The following TOPBP1 variants were observed in gnomAD, a reference collection of about 807,000 sequenced individuals.
The protein encoded by TOPBP1 is DNA topoisomerase 2-binding protein 1.
A neutral mutation model predicts 167.7 loss-of-function variants in TOPBP1; 28 were observed. That is an observed-to-expected ratio of 0.17 (90% CI 0.12 to 0.23). TOPBP1 has a LOEUF of 0.23. Among genes scored for constraint, TOPBP1 ranks in the 10% least tolerant of loss-of-function variants. TOPBP1 has a pLI of 1.00. For synonymous variants in TOPBP1, 598 were observed against 611.4 expected (o/e 0.98, Z 0.32); for missense variants, 1,554 against 1,809.6 (o/e 0.86, Z 2.56).
Position 133,617,287 on chromosome 3 carries a change from G to A in TOPBP1, c.3632C>T (p.Pro1211Leu). The change falls in exon 22 of 28, where the codon CCC becomes CTC. Residue 1211 changes from proline (P) to leucine (L), a missense_variant. This residue lies in a region of TOPBP1 where 351 missense variants were observed against 432.9 expected (regional missense o/e 0.81). Transcript: ENST00000260810. The part of the protein sequence containing the change: ...DPGNIRVTEA[P>L]KHPISEELET... ...CAGTTCTTCAGAGATTGGGTGTTTG[G>A]GAGCTTCAGTCACACGTATGTTTCC... 9.3e-6 allele frequency: 15 copies of A among 1,613,322 alleles called. No homozygotes were observed. Among genetic ancestry groups the A allele is most frequent in the Non-Finnish European group, 1.3e-5 (15 of 1,179,654 alleles).
At chr3:133,614,103 T>C (rs1223772570) in intron 23 of TOPBP1, among the ~76,000 whole-genome samples, 1 of 152,098 alleles carries the variant, frequency 6.6e-6, no homozygotes, top group East Asian at 1.9e-4. Flanking sequence ...ATCAAGGACT[T>C]TCTAAGATTT....
chr3:133,618,487 T>C (rs998167014), intron 20 of TOPBP1, 54 bp from the exon 21 acceptor site: 37 of 1,554,496 alleles, frequency 2.4e-5, no homozygotes, highest in Non-Finnish European at 3.3e-5. Flanking sequence ...TCCAAACTCA[T>C]TAAATCCATA....
At chr3:133,658,725 T>C (rs1191583176) in intron 3 of TOPBP1, among the ~76,000 whole-genome samples, 2 of 152,032 alleles carry the variant, frequency 1.3e-5, no homozygotes, top group African/African-American at 4.8e-5. Context: ...AAGAATCACT[T>C]GAACCAAGGA....
Position 133,616,469 on chromosome 3 carries a change from A to C in TOPBP1, c.3871+345T>G, listed in dbSNP as rs373431094. On this transcript the variant is annotated intron_variant, in intron 23 of 27. Transcript: ENST00000260810. ...ACAAACAAACAAAAAAACAAGAGGG[A>C]GCTCCTCTCTAGATATTATTAACCT... 5.6e-4 allele frequency among the ~76,000 whole-genome samples: 85 copies of C among 152,258 alleles called. 1 individual carries two copies. Among genetic ancestry groups the C allele is most frequent in the Middle Eastern group, 3.4e-3 (1 of 294 alleles).
At chr3:133,630,993 A>AC (rs1366135900) in intron 14 of TOPBP1, among the ~76,000 whole-genome samples, 3 of 152,114 alleles carry the variant, frequency 2.0e-5, no homozygotes, top group African/African-American at 7.2e-5. Flanking sequence ...GGAGTTCTAG[A>AC]CCAGCCTGAG....
In TOPBP1 at chr3:133,617,145, T is replaced by C. The variant is rs2107778567; in HGVS notation, c.3759+15A>G. Reference sequence around the variant, plus strand: ...GTATGCAAAAGCTGTATCACCATATTAAGGATCAACAAACCTTTTCTCTAG... The same window carrying C: ...GTATGCAAAAGCTGTATCACCATATCAAGGATCAACAAACCTTTTCTCTAG... On this transcript the variant is annotated intron_variant, in intron 22 of 27. Transcript: ENST00000260810. The C allele has an allele frequency of 6.3e-7, 1 of 1,595,834 alleles. No homozygotes were observed. Among genetic ancestry groups the C allele is most frequent in the African/African-American group, 1.4e-5 (1 of 73,876 alleles).
At position 133,644,288 on chromosome 3, in the gene TOPBP1, A is replaced by C. The variant is rs767916134; in HGVS notation, c.1580T>G (p.Ile527Ser). Residue 527 changes from isoleucine (I) to serine (S), a missense_variant, in exon 11 of 28, where the codon ATT becomes AGT. By Grantham distance (142) the Ile-to-Ser change is moderately radical (BLOSUM62 -2). Around this residue, in one of 3 missense-constraint regions of TOPBP1, gnomAD observed 1,197 missense variants for 1,351.5 expected, o/e 0.89. Transcript: ENST00000260810. ...AGACTGGTTTTCTTCTTGCAAAGAA[A>C]TGTGAGTAGAATCATTCAAGGGCTC... ...HAEPLNDSTH[I>S]SLQEENQSSV... 1 of 1,613,754 alleles carries C rather than the reference A, an allele frequency of 6.2e-7. No individual in the cohort carries two copies.
At chr3:133,657,193 T>C (rs1330530953) in intron 4 of TOPBP1, among the ~76,000 whole-genome samples, 1 of 150,934 alleles carries the variant, frequency 6.6e-6, no homozygotes, top group African/African-American at 2.4e-5. Flanking sequence ...AAATATTTAT[T>C]TTTAGCCAGG....
rs1934910999 is a variant in TOPBP1 at position 133,616,916 on chromosome 3, T to C, written c.3769A>G (p.Ile1257Val). ...TTTAATTCTTCATGAGTCTCCTCTA[T>C]CGTTATAATCTGGAATGAAAGTTTT... Reference protein sequence around the residue: ...APHPREKIITIEETHEELKKQ... With the variant: ...APHPREKIITVEETHEELKKQ... The change falls in exon 23 of 28, where the codon ATA (isoleucine) becomes GTA (valine). Residue 1257 changes from isoleucine (I) to valine (V), a missense_variant. Physicochemically the swap from Ile to Val is conservative, Grantham distance 29. Coordinates refer to ENST00000260810, the MANE Select transcript of TOPBP1 (RefSeq NM_007027.4). 6.6e-7 allele frequency: 1 copy of C among 1,505,236 alleles called. No homozygotes were observed. The highest frequency in any genetic ancestry group is 2.6e-5 in the Admixed American group (1 of 37,908). The allele number at this position is 1,505,236 out of a possible 1,614,324, so 93.2% of individuals were successfully genotyped here.
At chr3:133,637,845 T>G in intron 14 of TOPBP1, 31 bp downstream of exon 14, 2 of 1,601,608 alleles carry the variant, frequency 1.2e-6, no homozygotes, top group Non-Finnish European at 1.7e-6. Context: ...GTAAAACTGT[T>G]AACTCTGGGA....
intron 14 of TOPBP1, among the ~76,000 whole-genome samples, chr3:133,629,437 C>T (rs1407478595): frequency 6.6e-6 from 1 of 152,174 alleles, no homozygotes; most frequent in Non-Finnish European, 1.5e-5. Context: ...CAAAATGTAT[C>T]TACCAGCCCA....
At chr3:133,602,884 CT>C (rs1368119999) in intron 27 of TOPBP1, among the ~76,000 whole-genome samples, 2 of 148,616 alleles carry the variant, frequency 1.3e-5, no homozygotes, top group African/African-American at 5.0e-5. Context: ...AGAGATCTAC[CT>C]TTTTTCATTT....
intron 11 of TOPBP1, 74 bp from the exon 12 acceptor site, chr3:133,643,446 A>G: frequency 3.8e-6 from 5 of 1,315,480 alleles, no homozygotes; most frequent in Non-Finnish European, 5.1e-6. Flanking sequence ...TCAGGTACAG[A>G]AGCAATAATT....
chr3:133,647,524 T>A (rs1222337854), intron 10 of TOPBP1, among the ~76,000 whole-genome samples: 1 of 152,174 alleles, frequency 6.6e-6, no homozygotes, highest in African/African-American at 2.4e-5. Flanking sequence ...ATAGGTTTAA[T>A]GTGTTTTAAG....
chr3:133,639,767 A>G (rs1935829541), intron 13 of TOPBP1, among the ~76,000 whole-genome samples, 192 bp downstream of exon 13: 1 of 152,136 alleles, frequency 6.6e-6, no homozygotes, highest in African/African-American at 2.4e-5. Flanking sequence ...TGTTACTATG[A>G]GCCATAGAAA....
intron 16 of TOPBP1, 147 bp downstream of exon 16, chr3:133,628,215 T>C: frequency 1.4e-6 from 1 of 697,378 alleles, no homozygotes; most frequent in East Asian, 2.7e-5. Context: ...TCAACAGATG[T>C]GGTAAATTAA....
At chr3:133,658,165 A>G (rs950945628) in intron 3 of TOPBP1, among the ~76,000 whole-genome samples, 2 of 152,220 alleles carry the variant, frequency 1.3e-5, no homozygotes, top group South Asian at 2.1e-4. Flanking sequence ...GCAAGCTATC[A>G]AAAGAAATAA....
intron 27 of TOPBP1, among the ~76,000 whole-genome samples, chr3:133,604,395 C>T (rs1180261875): frequency 6.6e-6 from 1 of 151,744 alleles, no homozygotes; most frequent in Non-Finnish European, 1.5e-5. Context: ...CCTCAGCCTC[C>T]TAAACTGTTG....
In TOPBP1 at chr3:133,608,524, A is replaced by T. The variant is rs1194125682; in HGVS notation, c.4425+11T>A. 6.2e-7 allele frequency: 1 copy of T among 1,612,848 alleles called. No homozygotes were observed. The highest frequency in any genetic ancestry group is 8.5e-7 in the Non-Finnish European group (1 of 1,179,424). On this transcript the variant is annotated intron_variant, in intron 27 of 27. Transcript: ENST00000260810. ...TGGTAATGAGGAGGTCAAGGATAGA[A>T]TCTCACAAACCTGCATGAGATAATC...
Sources: allele counts gnomAD v4.1 joint callset (sites outside exome capture counted in the v4.1 genomes callset), GRCh38; gene constraint gnomAD v4.1.1; regional missense constraint gnomAD v4.1.1; transcripts MANE v1.5; gene names NCBI Gene and HGNC (gene_info 2026-07-23, HGNC 2026-07-21).